FAM185A: variants seen among roughly 807,000 people sequenced by gnomAD.
FAM185A encodes the protein family with sequence similarity 185 member A.
Under a neutral mutation model 45.7 loss-of-function variants are expected in FAM185A, and 21 were observed. The observed-to-expected ratio is 0.46, with a 90% CI of 0.33 to 0.66. The LOEUF (loss-of-function observed/expected upper bound fraction) is 0.66. FAM185A is among the 30% of genes least tolerant of loss of function. The pLI is 0.03. For missense variants in FAM185A, 305 were observed against 485.4 expected (o/e 0.63, Z 3.49); for synonymous variants, 117 against 194.0 (o/e 0.60, Z 3.30).
At chr7:102,780,745 A>G (rs1795351053) in intron 6 of FAM185A, among the ~76,000 whole-genome samples, 1 of 152,210 alleles carries the variant, frequency 6.6e-6, no homozygotes, top group Admixed American at 6.5e-5. Context: ...GACGCAGAAG[A>G]CAGGTGATTT....
At chr7:102,789,366 C>T (rs1376033880) in intron 7 of FAM185A, among the ~76,000 whole-genome samples, 27 of 152,344 alleles carry the variant, frequency 1.8e-4, no homozygotes, top group South Asian at 4.1e-4. Flanking sequence ...GTGATCCTCC[C>T]GCCTCAACTT....
the FAM185A span, chr7:102,832,946 T>C: frequency 6.2e-7 from 1 of 1,614,154 alleles, no homozygotes; most frequent in Admixed American, 1.7e-5. Context: ...ATCCAAATGT[T>C]CCAAGATCAG....
chr7:102,781,450 T>G (rs1470439960), intron 6 of FAM185A, among the ~76,000 whole-genome samples: 2 of 152,196 alleles, frequency 1.3e-5, no homozygotes, highest in Non-Finnish European at 2.9e-5. Context: ...CAGGTACTCC[T>G]CTGAGACAAA....
the FAM185A span, chr7:102,832,941 A>G: frequency 6.2e-6 from 10 of 1,614,082 alleles, no homozygotes; most frequent in Admixed American, 1.3e-4. Flanking sequence ...GAGACATCCA[A>G]ATGTTCCAAG....
chr7:102,827,674 C>G, the FAM185A span, among the ~76,000 whole-genome samples: 1 of 151,996 alleles, frequency 6.6e-6, no homozygotes. Context: ...TATTCCTCCC[C>G]CCTCCCGCCA....
At chr7:102,827,120 G>A in the FAM185A span, 1 of 454,254 alleles carries the variant, frequency 2.2e-6, no homozygotes, top group African/African-American at 2.0e-5. Context: ...ATTCTTCTGA[G>A]CCAGGCCTCA....
intron 6 of FAM185A, among the ~76,000 whole-genome samples, chr7:102,780,305 A>G (rs2129439079): frequency 6.6e-6 from 1 of 152,170 alleles, no homozygotes; most frequent in East Asian, 1.9e-4. Flanking sequence ...CAGGAAGAAA[A>G]ACTTCTGAAA....
intron 3 of FAM185A, among the ~76,000 whole-genome samples, chr7:102,759,609 A>C (rs113074797): frequency 1.1e-3 from 162 of 145,778 alleles, no homozygotes; most frequent in Middle Eastern, 3.4e-3. Flanking sequence ...AGAGCACAGA[A>C]TATATTCAGA....
the FAM185A span, among the ~76,000 whole-genome samples, chr7:102,841,803 C>G: frequency 2.6e-5 from 4 of 152,116 alleles, no homozygotes; most frequent in Non-Finnish European, 5.9e-5. Context: ...TCTTGGGTCT[C>G]CAGGAGTATG....
chr7:102,751,701 T>A lies in FAM185A; in HGVS notation c.461T>A (p.Ile154Asn). ...CTTTTTTTACTTCTAGGTTTAGATA[T>A]CAAGTCATCAGGGTCTGGCTGTGTA... is the stretch of plus-strand genomic sequence containing the variant. ...VNAPLKFGLD[I>N]KSSGSGCVKV... The change falls in exon 2 of 8, where the codon ATC becomes AAC. Residue 154 changes from isoleucine to asparagine, a missense_variant. Physicochemically the swap from Ile to Asn is moderately radical, Grantham distance 149 (BLOSUM62 -3). Around this residue, in one of 5 missense-constraint regions of FAM185A, gnomAD observed 174 missense variants for 247.1 expected, o/e 0.70. Transcript: ENST00000413034. 6.5e-7 allele frequency: 1 copy of A among 1,541,962 alleles called. No homozygotes were observed. The highest frequency in any genetic ancestry group is 1.2e-5 in the South Asian group (1 of 81,648).
At chr7:102,844,092 C>T in the FAM185A span, among the ~76,000 whole-genome samples, 2 of 152,192 alleles carry the variant, frequency 1.3e-5, no homozygotes, top group African/African-American at 4.8e-5. Flanking sequence ...TGAACCACTA[C>T]CACAGACTTC....
the FAM185A span, among the ~76,000 whole-genome samples, chr7:102,845,347 C>T: frequency 6.6e-6 from 1 of 152,226 alleles, no homozygotes; most frequent in East Asian, 1.9e-4. Flanking sequence ...ACAAAAGATA[C>T]CTATTACCCC....
rs1334841367 is a variant in FAM185A at position 102,808,412 on chromosome 7, G to C, written c.*10G>C. ...GAAACTGCAGGACTAAAACTGATTT[G>C]AGTTGGATTTATGATTTTTAACAAT... is the stretch of plus-strand genomic sequence containing the variant. On this transcript the variant is annotated 3_prime_UTR_variant, in exon 8 of 8. Coordinates refer to ENST00000413034, the MANE Select transcript of FAM185A (RefSeq NM_001145268.2). The C allele has an allele frequency of 3.5e-6, 5 of 1,437,412 alleles. No homozygotes were observed. In the East Asian group the frequency reaches 1.2e-4, roughly 36 times the overall value. The allele number at this position is 1,437,412 out of a possible 1,614,324, so 89.0% of individuals were successfully genotyped here.
the FAM185A span, among the ~76,000 whole-genome samples, chr7:102,845,640 T>C: frequency 6.6e-6 from 1 of 152,200 alleles, no homozygotes; most frequent in Admixed American, 6.5e-5. Context: ...GATTTTGCTA[T>C]CTAAATGTTC....
At chr7:102,822,363 T>C in the FAM185A span, 1 of 760,030 alleles carries the variant, frequency 1.3e-6, no homozygotes, top group Non-Finnish European at 2.3e-6. Context: ...AGTCCAAGAC[T>C]GAGATAAAGA....
the FAM185A span, among the ~76,000 whole-genome samples, chr7:102,825,928 C>T: frequency 5.3e-5 from 8 of 152,110 alleles, no homozygotes; most frequent in African/African-American, 1.7e-4. Flanking sequence ...AATGGTTACC[C>T]GAGATTGCCA....
the FAM185A span, among the ~76,000 whole-genome samples, chr7:102,848,697 T>C: frequency 6.9e-6 from 1 of 144,946 alleles, no homozygotes; most frequent in African/African-American, 2.5e-5. Context: ...ATTAAGAGTA[T>C]AAAAAGCAAC....
chr7:102,801,726 G>A (rs10953374), intron 7 of FAM185A, among the ~76,000 whole-genome samples: 69,613 of 151,872 alleles, frequency 0.46, 17,873 homozygotes, highest in African/African-American at 0.7. Context: ...AGAGTTCAAG[G>A]CCACCCTGGC....
chr7:102,849,562 A>G, the FAM185A span, among the ~76,000 whole-genome samples: 2 of 152,236 alleles, frequency 1.3e-5, no homozygotes, highest in Non-Finnish European at 2.9e-5. Flanking sequence ...AAGTAACGAG[A>G]GAGCATTCTT....
Sources: gnomAD v4.1 joint callset for allele counts (sites outside exome capture counted in the v4.1 genomes callset) on GRCh38, gnomAD v4.1.1 for gene constraint, gnomAD v4.1.1 regional missense constraint, MANE v1.5 for transcripts, NCBI Gene and HGNC (gene_info 2026-07-23, HGNC 2026-07-21) for gene names.